The following MACC1 variants were observed in gnomAD, a reference collection of about 807,000 sequenced individuals.
The protein encoded by MACC1 is MET transcriptional regulator MACC1.
MACC1 carries 79 observed loss-of-function variants against 70.7 expected under a neutral mutation model. That is an observed-to-expected ratio of 1.12 (90% CI 0.93 to 1.35). The LOEUF is 1.35. MACC1 is among the 40% of genes most tolerant of loss of function. The pLI is 0.00. For synonymous variants in MACC1, 361 were observed against 347.2 expected (o/e 1.04, Z -0.44); for missense variants, 1,106 against 978.1 (o/e 1.13, Z -1.74).
At chr7:20,187,712 T>C (rs1782610245) in intron 1 of MACC1, among the ~76,000 whole-genome samples, 1 of 152,186 alleles carries the variant, frequency 6.6e-6, no homozygotes, top group African/African-American at 2.4e-5. Context: ...AATTTGGGGT[T>C]GTTAACCCCA....
chr7:20,154,505 A>G, intron 5 of MACC1, 124 bp from the exon 6 acceptor site: 1 of 963,014 alleles, frequency 1.0e-6, no homozygotes, highest in Non-Finnish European at 1.5e-6. Context: ...CGTATAATCG[A>G]GTTTTCTAAA....
intron 2 of MACC1, 139 bp downstream of exon 2, chr7:20,170,575 G>T (rs902508377): frequency 6.6e-6 from 1 of 152,182 alleles, no homozygotes; most frequent in African/African-American, 2.4e-5. Flanking sequence ...TTTAAAATTA[G>T]ATTTGTGTTA....
chr7:20,193,502 G>A (rs1001850905), intron 1 of MACC1, among the ~76,000 whole-genome samples: 1 of 152,188 alleles, frequency 6.6e-6, no homozygotes, highest in Non-Finnish European at 1.5e-5. Context: ...TTTGCTCTTA[G>A]TGTTTGTTTT....
chr7:20,146,688 C>A (rs1364530659), intron 6 of MACC1, among the ~76,000 whole-genome samples: 1 of 152,156 alleles, frequency 6.6e-6, no homozygotes, highest in East Asian at 1.9e-4. Flanking sequence ...CTCTCTTGCT[C>A]AATGTTATGA....
intron 1 of MACC1, among the ~76,000 whole-genome samples, chr7:20,182,666 C>T (rs1782528216): frequency 1.3e-5 from 2 of 152,108 alleles, no homozygotes; most frequent in Admixed American, 6.5e-5. Flanking sequence ...TGCTACCGTC[C>T]AAGACCATGC....
intron 1 of MACC1, among the ~76,000 whole-genome samples, chr7:20,209,425 T>C (rs1033358718): frequency 5.3e-5 from 8 of 152,232 alleles, no homozygotes; most frequent in Non-Finnish European, 1.0e-4. Context: ...TCAAATGAGA[T>C]CATTCTGGAA....
intron 1 of MACC1, among the ~76,000 whole-genome samples, chr7:20,180,660 C>A: frequency 6.6e-6 from 1 of 152,016 alleles, no homozygotes; most frequent in Non-Finnish European, 1.5e-5. Flanking sequence ...GCCAGGTCAA[C>A]ATGGTGAAAC....
chr7:20,137,079 C>T lies in MACC1; in HGVS notation c.*3867G>A, dbSNP rs1781728751. The T allele has an allele frequency of 1.3e-5, 2 of 151,702 alleles. No homozygotes were observed. Among genetic ancestry groups the T allele is most frequent in the South Asian group, 2.1e-4 (1 of 4,818 alleles). 9.4% of individuals were successfully genotyped at this position (151,702 alleles called of 1,614,324 possible). ...CAGTGACATCATTGTTCATTATTCT[C>T]TTTTTCTTTTATATTACCTCAAAAA... On this transcript the variant is annotated 3_prime_UTR_variant, in exon 7 of 7. Coordinates refer to ENST00000400331, the MANE Select transcript of MACC1 (RefSeq NM_182762.4).
chr7:20,154,562 C>T (rs1782028417), intron 5 of MACC1, among the ~76,000 whole-genome samples, 181 bp from the exon 6 acceptor site: 1 of 152,110 alleles, frequency 6.6e-6, no homozygotes, highest in Admixed American at 6.6e-5. Flanking sequence ...AAGCAAACTA[C>T]AGTAGACATA....
intron 1 of MACC1, among the ~76,000 whole-genome samples, chr7:20,172,854 C>G (rs1406333313): frequency 6.6e-6 from 1 of 152,188 alleles, no homozygotes; most frequent in Non-Finnish European, 1.5e-5. Context: ...AGAGCCTGTG[C>G]TGCTCTGGGG....
intron 1 of MACC1, among the ~76,000 whole-genome samples, chr7:20,187,870 C>A (rs1782613064): frequency 6.6e-6 from 1 of 152,148 alleles, no homozygotes; most frequent in Non-Finnish European, 1.5e-5. Flanking sequence ...GAGGAAAAAA[C>A]TATCAGAGAG....
At chr7:20,185,608 A>G (rs948358324) in intron 1 of MACC1, among the ~76,000 whole-genome samples, 2 of 152,196 alleles carry the variant, frequency 1.3e-5, no homozygotes, top group African/African-American at 4.8e-5. Flanking sequence ...ATTACTTTTA[A>G]TATTTTAAAA....
Position 20,158,636 on chromosome 7 carries a change from C to T in MACC1, c.1725G>A (p.Gly575=). Residue 575 remains glycine, a synonymous_variant, in exon 5 of 7, where the codon GGG becomes GGA. Transcript: ENST00000400331. ...CTTCCCCGAGGAGAGCTATTGTGTC[C>T]CCTTTGAAATATTCAAGGAAGTAAT... The part of the protein sequence containing the change: ...KIDYFLEYFK[G]DTIALLGEGK... 6.2e-7 allele frequency: 1 copy of T among 1,613,942 alleles called. No homozygotes were observed. Among genetic ancestry groups the T allele is most frequent in the South Asian group, 1.1e-5 (1 of 91,052 alleles).
At chr7:20,204,651 A>G (rs1395227349) in intron 1 of MACC1, among the ~76,000 whole-genome samples, 1 of 152,206 alleles carries the variant, frequency 6.6e-6, no homozygotes, top group Non-Finnish European at 1.5e-5. Flanking sequence ...AAGTGAGTTT[A>G]TATTTTTTGG....
chr7:20,174,730 G>A (rs571781573), intron 1 of MACC1, among the ~76,000 whole-genome samples: 14 of 152,178 alleles, frequency 9.2e-5, no homozygotes, highest in African/African-American at 3.4e-4. Context: ...TGTACTGTGT[G>A]GGTATCTCTG....
intron 1 of MACC1, among the ~76,000 whole-genome samples, chr7:20,189,491 G>C (rs1583404891): frequency 6.6e-6 from 1 of 152,144 alleles, no homozygotes; most frequent in African/African-American, 2.4e-5. Flanking sequence ...TAGAATAAAA[G>C]TCATTGCGGC....
At chr7:20,208,235 G>C (rs1295598588) in intron 1 of MACC1, among the ~76,000 whole-genome samples, 1 of 152,234 alleles carries the variant, frequency 6.6e-6, no homozygotes, top group Non-Finnish European at 1.5e-5. Context: ...AAGAAGTGAG[G>C]TGCTGCTATA....
chr7:20,181,607 AC>A (rs1219790902), intron 1 of MACC1, among the ~76,000 whole-genome samples: 3 of 152,158 alleles, frequency 2.0e-5, no homozygotes, highest in South Asian at 2.1e-4. Context: ...TATGCCAACA[AC>A]CTAGAAATAG....
intron 1 of MACC1, among the ~76,000 whole-genome samples, chr7:20,187,577 T>G (rs866546466): frequency 6.6e-6 from 1 of 152,184 alleles, no homozygotes; most frequent in South Asian, 2.1e-4. Flanking sequence ...ATTAGTTTCT[T>G]TGACTAGCTA....
Sources: gnomAD v4.1 joint callset for allele counts (sites outside exome capture counted in the v4.1 genomes callset) on GRCh38, gnomAD v4.1.1 for gene constraint, MANE v1.5 for transcripts, NCBI Gene and HGNC (gene_info 2026-07-23, HGNC 2026-07-21) for gene names.